Variants in SHANK2 observed in about 807,000 individuals in gnomAD.
SHANK2 encodes the protein SH3 and multiple ankyrin repeat domains 2, also known as SH3 and multiple ankyrin repeat domains protein 2.
Under a neutral mutation model 133.7 loss-of-function variants are expected in SHANK2, and 43 were observed. The ratio of observed to expected loss-of-function variants is 0.32; its 90% confidence interval spans 0.25 to 0.41. The LOEUF is 0.41. SHANK2 is among the 10% of genes least tolerant of loss of function. SHANK2 has a pLI of 1.00. For missense variants in SHANK2, 1,994 were observed against 2,235.8 expected, an observed-to-expected ratio of 0.89 and a Z score of 2.18; for synonymous variants, 1,017 against 952.8, an observed-to-expected ratio of 1.07 and a Z score of -1.24.
intron 10 of SHANK2, among the ~76,000 whole-genome samples, chr11:70,936,498 T>G (rs1330985101): frequency 2.6e-5 from 4 of 151,746 alleles, no homozygotes; most frequent in African/African-American, 9.7e-5. Flanking sequence ...GGTGACAGAG[T>G]GAAACTCTGT....
intron 17 of SHANK2, among the ~76,000 whole-genome samples, chr11:70,645,615 A>G (rs1178028619): frequency 6.6e-6 from 1 of 152,160 alleles, no homozygotes; most frequent in Non-Finnish European, 1.5e-5. Flanking sequence ...CTATATTTAC[A>G]ACAAGAGAAT....
At chr11:70,766,521 TG>T (rs1240653081) in intron 14 of SHANK2, among the ~76,000 whole-genome samples, 2 of 152,224 alleles carry the variant, frequency 1.3e-5, no homozygotes, top group Non-Finnish European at 2.9e-5. Context: ...TCTTATTTGA[TG>T]CTTTCGAATT....
At chr11:70,789,455 C>T (rs1453682055) in intron 14 of SHANK2, among the ~76,000 whole-genome samples, 1 of 152,126 alleles carries the variant, frequency 6.6e-6, no homozygotes, top group Non-Finnish European at 1.5e-5. Context: ...CAAGGGAAGG[C>T]ACGGCTAATC....
chr11:70,798,689 T>C, intron 13 of SHANK2, 133 bp from the exon 14 acceptor site: 1 of 634,532 alleles, frequency 1.6e-6, no homozygotes, highest in East Asian at 2.7e-5. Context: ...CAAGCGGCTC[T>C]GGTGTGACTG....
intron 14 of SHANK2, among the ~76,000 whole-genome samples, chr11:70,712,844 T>A (rs1189710615): frequency 6.6e-6 from 1 of 152,248 alleles, no homozygotes; most frequent in African/African-American, 2.4e-5. Flanking sequence ...GGAAGCTGCC[T>A]ATCTGCTGGA....
intron 11 of SHANK2, among the ~76,000 whole-genome samples, chr11:70,820,952 G>A (rs574423569): frequency 6.6e-6 from 1 of 152,264 alleles, no homozygotes; most frequent in African/African-American, 2.4e-5. Flanking sequence ...GGGACGTGGG[G>A]TCTGAGCTTC....
At chr11:71,099,731 G>A (rs782716922) in intron 6 of SHANK2, among the ~76,000 whole-genome samples, 11 of 152,138 alleles carry the variant, frequency 7.2e-5, no homozygotes, top group Non-Finnish European at 1.0e-4. Flanking sequence ...GCTCCACACC[G>A]TATGTCATTA....
intron 10 of SHANK2, among the ~76,000 whole-genome samples, chr11:70,949,854 G>A (rs782687664): frequency 2.6e-5 from 4 of 152,212 alleles, no homozygotes; most frequent in African/African-American, 4.8e-5. Flanking sequence ...CTCCACCTGC[G>A]CGTCTTAGTG....
At chr11:70,709,542 A>T (rs1945734461) in intron 14 of SHANK2, among the ~76,000 whole-genome samples, 1 of 152,238 alleles carries the variant, frequency 6.6e-6, no homozygotes, top group Admixed American at 6.5e-5. Context: ...AGCTTGACAG[A>T]GCCTACTCGG....
intron 11 of SHANK2, among the ~76,000 whole-genome samples, chr11:70,835,519 G>A (rs1338052119): frequency 6.6e-6 from 1 of 152,208 alleles, no homozygotes; most frequent in Non-Finnish European, 1.5e-5. Context: ...AGGGGCCGAG[G>A]TGCAGGCCAA....
chr11:70,813,148 G>A (rs1251729797), intron 12 of SHANK2, among the ~76,000 whole-genome samples: 4 of 152,126 alleles, frequency 2.6e-5, no homozygotes, highest in African/African-American at 9.7e-5. Context: ...GGTCAACTGG[G>A]CAGAAGCACA....
intron 4 of SHANK2, among the ~76,000 whole-genome samples, chr11:71,117,457 A>T (rs1461887196): frequency 6.6e-6 from 1 of 152,140 alleles, no homozygotes; most frequent in East Asian, 1.9e-4. Context: ...GTATCTCTGG[A>T]GCACTAATGA....
At chr11:70,823,349 G>A (rs1274432034) in intron 11 of SHANK2, among the ~76,000 whole-genome samples, 2 of 142,042 alleles carry the variant, frequency 1.4e-5, no homozygotes, top group Admixed American at 7.1e-5. Flanking sequence ...GGTGGTGTTG[G>A]CAGAACTCAT....
chr11:70,735,533 A>G (rs1296816708), intron 14 of SHANK2, among the ~76,000 whole-genome samples: 1 of 152,118 alleles, frequency 6.6e-6, no homozygotes, highest in African/African-American at 2.4e-5. Context: ...GTGAAACCCC[A>G]TCTGTATTAA....
At chr11:71,161,767 A>C (rs1953023970) in intron 2 of SHANK2, among the ~76,000 whole-genome samples, 1 of 152,222 alleles carries the variant, frequency 6.6e-6, no homozygotes, top group African/African-American at 2.4e-5. Context: ...AAAATGTATA[A>C]AATCAAGCTG....
At chr11:70,792,914 C>T (rs781616313) in intron 14 of SHANK2, among the ~76,000 whole-genome samples, 5 of 151,964 alleles carry the variant, frequency 3.3e-5, no homozygotes, top group African/African-American at 2.4e-5. Flanking sequence ...AGTGAGAACT[C>T]GTCTCTACAA....
chr11:71,236,614 C>T (rs1954828805), intron 1 of SHANK2, among the ~76,000 whole-genome samples: 1 of 152,126 alleles, frequency 6.6e-6, no homozygotes, highest in South Asian at 2.1e-4. Context: ...AGAACCATGA[C>T]CTAAATAAAT....
chr11:71,165,096 C>T (rs777972044), intron 2 of SHANK2, among the ~76,000 whole-genome samples: 48 of 151,146 alleles, frequency 3.2e-4, no homozygotes, highest in Non-Finnish European at 6.3e-4. Flanking sequence ...TGCAGTGGCA[C>T]GATCTCGGTT....
chr11:70,759,663 C>A (rs1946949489), intron 14 of SHANK2, among the ~76,000 whole-genome samples: 2 of 152,096 alleles, frequency 1.3e-5, no homozygotes, highest in Non-Finnish European at 2.9e-5. Flanking sequence ...GGATTGTAAG[C>A]AAGACCTAAG....
Sources: allele counts gnomAD v4.1 joint callset (sites outside exome capture counted in the v4.1 genomes callset), GRCh38; gene constraint gnomAD v4.1.1; transcripts MANE v1.5; gene names NCBI Gene and HGNC (gene_info 2026-07-23, HGNC 2026-07-21).